Variants in TAF12 observed in about 807,000 individuals in gnomAD.
The protein encoded by TAF12 is transcription initiation factor TFIID subunit 12.
A neutral mutation model predicts 20.8 loss-of-function variants in TAF12; 3 were observed. The observed-to-expected ratio is 0.14, with a 90% CI of 0.07 to 0.37. The LOEUF (loss-of-function observed/expected upper bound fraction) is 0.37, where lower values mean the gene tolerates loss of function less well. Among genes scored for constraint, TAF12 ranks in the 10% least tolerant of loss-of-function variants. The pLI, the probability that TAF12 is intolerant of heterozygous loss-of-function variation, is 1.00. For missense variants in TAF12, 131 were observed against 197.9 expected, an observed-to-expected ratio of 0.66 and a Z score of 2.03; for synonymous variants, 69 against 70.2, an observed-to-expected ratio of 0.98 and a Z score of 0.09.
intron 1 of TAF12, among the ~76,000 whole-genome samples, chr1:28,625,895 G>C (rs1351556953): frequency 1.3e-4 from 20 of 151,342 alleles, no homozygotes; most frequent in Admixed American, 1.3e-3. Context: ...GCCTAGGCTG[G>C]TCTCTAACTC....
chr1:28,631,606 G>A (rs1479454191), intron 1 of TAF12, among the ~76,000 whole-genome samples: 1 of 152,156 alleles, frequency 6.6e-6, no homozygotes. Flanking sequence ...AAGGCAGGAG[G>A]ACTGCTTAAG....
At chr1:28,633,364 C>T (rs563021140) in intron 1 of TAF12, among the ~76,000 whole-genome samples, 15 of 146,434 alleles carry the variant, frequency 1.0e-4, no homozygotes, top group African/African-American at 2.8e-4. Context: ...GATGGCATTT[C>T]GTCATGTTGG....
chr1:28,613,541 G>C (rs1453598829), intron 3 of TAF12, among the ~76,000 whole-genome samples, 180 bp from the exon 4 acceptor site: 2 of 152,132 alleles, frequency 1.3e-5, no homozygotes, highest in Admixed American at 1.3e-4. Flanking sequence ...TGTTACCCAG[G>C]TTGAGTGCAA....
intron 3 of TAF12, among the ~76,000 whole-genome samples, chr1:28,614,685 A>G (rs1666971726): frequency 6.6e-6 from 1 of 151,800 alleles, no homozygotes; most frequent in Admixed American, 6.6e-5. Flanking sequence ...AAAAAAAAAA[A>G]AAAGCAAGCA....
chr1:28,621,446 T>C (rs1224505167), intron 2 of TAF12, among the ~76,000 whole-genome samples: 1 of 152,208 alleles, frequency 6.6e-6, no homozygotes, highest in Non-Finnish European at 1.5e-5. Flanking sequence ...AGTACTTTTA[T>C]CATAGGAATA....
At chr1:28,631,163 T>C (rs1667605082) in intron 1 of TAF12, among the ~76,000 whole-genome samples, 1 of 151,522 alleles carries the variant, frequency 6.6e-6, no homozygotes, top group Non-Finnish European at 1.5e-5. Context: ...CAAAGGCTTG[T>C]GGGGGAGGAA....
At chr1:28,642,796 C>A in intron 1 of TAF12, 196 bp downstream of exon 1, 1 of 985,482 alleles carries the variant, frequency 1.0e-6, no homozygotes, top group Non-Finnish European at 1.2e-6. Context: ...CCCTAAGTCC[C>A]GTCTTAGAGC....
chr1:28,614,393 G>A (rs927347459), intron 3 of TAF12, among the ~76,000 whole-genome samples: 16 of 151,750 alleles, frequency 1.1e-4, no homozygotes, highest in African/African-American at 3.9e-4. Context: ...GTGAAACCCA[G>A]TCTCTAAGGG....
upstream of TAF12, among the ~76,000 whole-genome samples, chr1:28,644,796 G>A (rs145460127): frequency 4.6e-4 from 70 of 152,364 alleles, 1 homozygote; most frequent in East Asian, 0.012. Flanking sequence ...TGGAGAGGTA[G>A]GCAGGGGTTT....
intron 4 of TAF12, among the ~76,000 whole-genome samples, chr1:28,606,967 G>C (rs1319580736): frequency 6.6e-6 from 1 of 152,222 alleles, no homozygotes; most frequent in African/African-American, 2.4e-5. Context: ...TGGATATAGA[G>C]AGAAGTATGT....
chr1:28,637,611 G>A (rs1667882110), intron 1 of TAF12, among the ~76,000 whole-genome samples: 1 of 151,006 alleles, frequency 6.6e-6, no homozygotes, highest in African/African-American at 2.4e-5. Flanking sequence ...GTTGCAGTGA[G>A]CCGAGATCAC....
chr1:28,605,554 G>A (rs1226184984), intron 4 of TAF12, 94 bp from the exon 5 acceptor site: 1 of 1,146,424 alleles, frequency 8.7e-7, no homozygotes, highest in African/African-American at 1.5e-5. Flanking sequence ...GATGAATGTG[G>A]GCATCTGGCT....
chr1:28,629,309 C>T (rs1009293742), intron 1 of TAF12, among the ~76,000 whole-genome samples: 3 of 151,982 alleles, frequency 2.0e-5, no homozygotes, highest in Non-Finnish European at 4.4e-5. Flanking sequence ...TTTTTCTCTG[C>T]AGAAATAGAT....
At chr1:28,607,060 A>T (rs1269908750) in intron 4 of TAF12, among the ~76,000 whole-genome samples, 2 of 152,196 alleles carry the variant, frequency 1.3e-5, no homozygotes, top group African/African-American at 4.8e-5. Flanking sequence ...GAGGACAGGG[A>T]CTTTGTTTAT....
At chr1:28,625,807 C>T (rs1667364160) in intron 1 of TAF12, among the ~76,000 whole-genome samples, 2 of 151,808 alleles carry the variant, frequency 1.3e-5, no homozygotes, top group East Asian at 1.9e-4. Flanking sequence ...TCCCAAAGTG[C>T]TGAGATTACA....
intron 3 of TAF12, among the ~76,000 whole-genome samples, chr1:28,617,434 C>T (rs919408646): frequency 6.6e-6 from 1 of 151,606 alleles, no homozygotes; most frequent in Non-Finnish European, 1.5e-5. Context: ...CACACCACCA[C>T]GCTCAGCTAA....
intron 2 of TAF12, 149 bp from the exon 3 acceptor site, chr1:28,618,179 G>C (rs1667102043): frequency 1.5e-6 from 1 of 668,556 alleles, no homozygotes; most frequent in Non-Finnish European, 2.5e-6. Context: ...CTATGCTGCT[G>C]TAAGACTACA....
intron 1 of TAF12, among the ~76,000 whole-genome samples, chr1:28,637,127 T>C (rs891464051): frequency 6.6e-6 from 1 of 152,108 alleles, no homozygotes; most frequent in African/African-American, 2.4e-5. Context: ...TAACAAGTGG[T>C]CAGCAGGAGG....
Position 28,643,021 on chromosome 1 carries a change from G to A in TAF12, c.-114C>T. The A allele has an allele frequency of 1.0e-6, 1 of 985,934 alleles. No individual in the cohort carries two copies. Among genetic ancestry groups the A allele is most frequent in the Non-Finnish European group, 1.2e-6 (1 of 829,990 alleles). 61.1% of individuals were successfully genotyped at this position (985,934 alleles called of 1,614,324 possible). On this transcript the variant is annotated 5_prime_UTR_variant, in exon 1 of 6. Transcript: ENST00000373824. Reference sequence around the variant, plus strand: ...AGCAGCGTCTATCTCCCCATGATATGCAGAGACTGCCCCAGTGAAGCGTTC... The same window carrying A: ...AGCAGCGTCTATCTCCCCATGATATACAGAGACTGCCCCAGTGAAGCGTTC...
Sources: gnomAD v4.1 joint callset for allele counts (sites outside exome capture counted in the v4.1 genomes callset) on GRCh38, gnomAD v4.1.1 for gene constraint, MANE v1.5 for transcripts, NCBI Gene and HGNC (gene_info 2026-07-23, HGNC 2026-07-21) for gene names.